The following CEP128 variants were observed in gnomAD, a reference collection of about 807,000 sequenced individuals.
CEP128 encodes centrosomal protein 128kDa.
Under a neutral mutation model 156.7 loss-of-function variants are expected in CEP128, and 132 were observed. The observed-to-expected ratio is 0.84, with a 90% confidence interval of 0.73 to 0.97. The LOEUF is 0.97. CEP128 is among the 50% of genes least tolerant of loss of function. The probability of loss-of-function intolerance (pLI) is 0.00; values close to 1 mark genes in which losing one functional copy is unlikely to be tolerated. For synonymous variants in CEP128, 469 were observed against 448.9 expected (o/e 1.04, Z -0.57); for missense variants, 1,252 against 1,281.9 (o/e 0.98, Z 0.36).
chr14:80,866,304 T>G (rs1887765560), intron 8 of CEP128, among the ~76,000 whole-genome samples: 1 of 152,056 alleles, frequency 6.6e-6, no homozygotes, highest in African/African-American at 2.4e-5. Context: ...AGCCTATCCC[T>G]AAGAACCCAG....
chr14:80,683,310 G>A (rs1896395363), intron 19 of CEP128, among the ~76,000 whole-genome samples: 1 of 151,882 alleles, frequency 6.6e-6, no homozygotes, highest in Admixed American at 6.6e-5. Flanking sequence ...AAGAGAGCAG[G>A]GATCACAATT....
intron 19 of CEP128, among the ~76,000 whole-genome samples, chr14:80,622,773 C>T (rs1338463975): frequency 6.6e-6 from 1 of 150,654 alleles, no homozygotes; most frequent in Non-Finnish European, 1.5e-5. Flanking sequence ...CATCTCATAC[C>T]AGTTAGAATG....
At chr14:80,818,831 A>C (rs1215640752) in intron 13 of CEP128, among the ~76,000 whole-genome samples, 1 of 152,254 alleles carries the variant, frequency 6.6e-6, no homozygotes, top group African/African-American at 2.4e-5. Context: ...TTCAACCAGA[A>C]AATATCAATT....
intron 2 of CEP128, among the ~76,000 whole-genome samples, chr14:80,934,243 T>C (rs975337280): frequency 2.0e-5 from 3 of 152,240 alleles, no homozygotes; most frequent in African/African-American, 7.2e-5. Flanking sequence ...CAGCAAACTA[T>C]GGCACAGCCA....
At chr14:80,577,388 C>T (rs1891405312) in intron 20 of CEP128, among the ~76,000 whole-genome samples, 1 of 152,112 alleles carries the variant, frequency 6.6e-6, no homozygotes, top group African/African-American at 2.4e-5. Flanking sequence ...TTCAAAATAC[C>T]AAAAATTGAA....
At position 80,538,545 on chromosome 14, in the gene CEP128, C is replaced by A. The variant is rs369148164; in HGVS notation, c.2881-7659G>T. Among the ~76,000 whole-genome samples, 228 of 152,284 alleles carry A rather than the reference C, an allele frequency of 1.5e-3. 4 individuals carry two copies. In the Middle Eastern group the frequency reaches 0.024, roughly 16 times the overall value. ...CCCACCACCTAGATTCAACTATTAA[C>A]ATTATGTTTTATATTTGCTTTATCA... On this transcript the variant is annotated intron_variant, in intron 21 of 24. Transcript: ENST00000555265.
At position 80,782,157 on chromosome 14, in the gene CEP128, C is replaced by A. The variant is rs577897181; in HGVS notation, c.2211+2738G>T. Among the ~76,000 whole-genome samples the A allele has an allele frequency of 1.5e-4, 23 of 152,298 alleles. 1 individual carries two copies. The highest frequency in any genetic ancestry group is 1.2e-3 in the South Asian group (6 of 4,828). On this transcript the variant is annotated intron_variant, in intron 15 of 24. Transcript: ENST00000555265. ...TGGCAACAGCTGACTGACCAGTCAC[C>A]CTCTTCACTGTGGTTTTTGGCATGT... is the stretch of plus-strand genomic sequence containing the variant.
At chr14:80,782,556 T>C (rs1463242967) in intron 15 of CEP128, among the ~76,000 whole-genome samples, 1 of 152,192 alleles carries the variant, frequency 6.6e-6, no homozygotes. Flanking sequence ...TGTCCTATTC[T>C]ACTTCAGAGA....
At chr14:80,863,220 A>G (rs1291772004) in intron 8 of CEP128, among the ~76,000 whole-genome samples, 1 of 152,208 alleles carries the variant, frequency 6.6e-6, no homozygotes, top group Non-Finnish European at 1.5e-5. Flanking sequence ...AATTTTGCTA[A>G]AAATTGCATT....
At chr14:80,892,555 A>G (rs1010315812) in intron 8 of CEP128, among the ~76,000 whole-genome samples, 3 of 152,018 alleles carry the variant, frequency 2.0e-5, no homozygotes, top group African/African-American at 7.2e-5. Flanking sequence ...AAATGGCACT[A>G]CTTCAAACTA....
At chr14:80,647,053 A>ATGTGTGTGTGTGTG (rs1566831557) in intron 19 of CEP128, among the ~76,000 whole-genome samples, 3 of 13,722 alleles carry the variant, frequency 2.2e-4, no homozygotes, top group African/African-American at 3.1e-4. Context: ...ATATATATAT[A>ATGTGTGTGTGTGTG]TATATATATA....
intron 14 of CEP128, among the ~76,000 whole-genome samples, chr14:80,791,292 CTG>C (rs765642275): frequency 1.4e-4 from 21 of 152,150 alleles, no homozygotes; most frequent in Non-Finnish European, 2.5e-4. Flanking sequence ...ACGACCCTAA[CTG>C]TGGCAATCAC....
intron 2 of CEP128, among the ~76,000 whole-genome samples, chr14:80,925,351 T>G (rs1310578060): frequency 6.6e-6 from 1 of 151,476 alleles, no homozygotes; most frequent in East Asian, 2.0e-4. Context: ...AGAAGAAACA[T>G]GAGAAGTAGG....
chr14:80,683,504 G>C (rs1362823047), intron 19 of CEP128, among the ~76,000 whole-genome samples: 2 of 152,098 alleles, frequency 1.3e-5, no homozygotes, highest in African/African-American at 4.8e-5. Context: ...AAAAGACTAA[G>C]ATAGCCACAC....
At chr14:80,601,448 A>G (rs184697744) in intron 19 of CEP128, among the ~76,000 whole-genome samples, 9 of 152,306 alleles carry the variant, frequency 5.9e-5, no homozygotes, top group African/African-American at 2.2e-4. Context: ...CAAAACAAAA[A>G]TCACAAAAAA....
At chr14:80,774,096 GA>G (rs1900658349) in intron 16 of CEP128, among the ~76,000 whole-genome samples, 1 of 152,132 alleles carries the variant, frequency 6.6e-6, no homozygotes, top group Admixed American at 6.6e-5. Flanking sequence ...AATACATGAG[GA>G]AAATATGCTA....
intron 19 of CEP128, among the ~76,000 whole-genome samples, chr14:80,721,975 A>G (rs1897834519): frequency 6.6e-6 from 1 of 152,242 alleles, no homozygotes; most frequent in Non-Finnish European, 1.5e-5. Context: ...ACATATATTT[A>G]AGACAAGGCT....
chr14:80,943,401 C>T (rs1051042015), upstream of CEP128, among the ~76,000 whole-genome samples: 1 of 152,186 alleles, frequency 6.6e-6, no homozygotes, highest in East Asian at 1.9e-4. Context: ...GGAGAAATGT[C>T]TACCAAAAGA....
chr14:80,889,188 A>G (rs929001240), intron 8 of CEP128, among the ~76,000 whole-genome samples: 2 of 152,254 alleles, frequency 1.3e-5, no homozygotes, highest in Non-Finnish European at 2.9e-5. Flanking sequence ...CAATATCATG[A>G]AAATGGCAAT....
Sources: gnomAD v4.1 joint callset for allele counts (sites outside exome capture counted in the v4.1 genomes callset) on GRCh38, gnomAD v4.1.1 for gene constraint, MANE v1.5 for transcripts, NCBI Gene and HGNC (gene_info 2026-07-23, HGNC 2026-07-21) for gene names.